Variants in ALK observed in about 807,000 individuals in gnomAD.
ALK encodes the protein ALK tyrosine kinase receptor.
ALK carries 74 observed loss-of-function variants against 163.1 expected under a neutral mutation model. That is an observed-to-expected ratio of 0.45 (90% CI 0.38 to 0.55). The LOEUF is 0.55. Ranked by LOEUF, ALK falls within the 20% of genes least tolerant of loss-of-function variation. The pLI, the probability that ALK is intolerant of heterozygous loss-of-function variation, is 0.00. For missense variants in ALK, 2,063 were observed against 2,105.3 expected, an observed-to-expected ratio of 0.98 and a Z score of 0.39; for synonymous variants, 960 against 843.2, an observed-to-expected ratio of 1.14 and a Z score of -2.40.
Position 29,695,038 on chromosome 2 carries a change from T to C in ALK, c.788-24A>G, listed in dbSNP as rs367885393. 4 of 1,613,718 alleles carry C rather than the reference T, an allele frequency of 2.5e-6. No homozygotes were observed. The African/African-American group carries it at 4.0e-5, about 16-fold the overall frequency. ...ACCTGCAATAATAGCCAAGGGTCAA[T>C]GGAAAAAACCATTTCCCAAACGTGA... On this transcript the variant is annotated intron_variant, in intron 2 of 28. Coordinates refer to ENST00000389048, the MANE Select transcript of ALK (RefSeq NM_004304.5).
At chr2:29,436,349 C>T (rs1252234612) in intron 4 of ALK, among the ~76,000 whole-genome samples, 1 of 152,156 alleles carries the variant, frequency 6.6e-6, no homozygotes, top group African/African-American at 2.4e-5. Flanking sequence ...AGGCAAGAAC[C>T]CTTGAGAGCG....
chr2:29,496,905 G>A (rs902465188), intron 4 of ALK, among the ~76,000 whole-genome samples: 1 of 152,208 alleles, frequency 6.6e-6, no homozygotes, highest in African/African-American at 2.4e-5. Context: ...TTTCAGGATA[G>A]TGAATCCACA....
intron 24 of ALK, among the ~76,000 whole-genome samples, chr2:29,210,606 G>A (rs913850559): frequency 1.3e-5 from 2 of 152,046 alleles, no homozygotes; most frequent in African/African-American, 4.8e-5. Context: ...CTAATTTTTT[G>A]TATTTTTAGT....
At chr2:29,586,904 T>C (rs2148203275) in intron 3 of ALK, among the ~76,000 whole-genome samples, 1 of 152,332 alleles carries the variant, frequency 6.6e-6, no homozygotes, top group South Asian at 2.1e-4. Context: ...GTGATTATTT[T>C]TGAAGATGTT....
At chr2:29,278,671 G>T (rs1224825351) in intron 9 of ALK, among the ~76,000 whole-genome samples, 1 of 152,218 alleles carries the variant, frequency 6.6e-6, no homozygotes, top group East Asian at 1.9e-4. Context: ...GTTAAAGCAG[G>T]TGCAACCCTT....
At chr2:29,595,319 AT>A (rs10641464) in intron 3 of ALK, among the ~76,000 whole-genome samples, 4,683 of 123,904 alleles carry the variant, frequency 0.038, 134 homozygotes, top group African/African-American at 0.12. Flanking sequence ...GTCTTACTGG[AT>A]TTTTTTTTTT....
At chr2:29,804,013 A>G (rs1416487626) in intron 1 of ALK, among the ~76,000 whole-genome samples, 1 of 152,246 alleles carries the variant, frequency 6.6e-6, no homozygotes, top group Non-Finnish European at 1.5e-5. Flanking sequence ...TAGAAGCTGA[A>G]TGAGAAAGAC....
intron 1 of ALK, among the ~76,000 whole-genome samples, chr2:29,870,730 T>C (rs931348494): frequency 5.3e-5 from 8 of 152,246 alleles, no homozygotes; most frequent in African/African-American, 1.9e-4. Flanking sequence ...TCTAAGAAGA[T>C]GTACCTTAAA....
At chr2:29,197,040 T>C (rs1486106712) in intron 27 of ALK, among the ~76,000 whole-genome samples, 180 bp from the exon 28 acceptor site, 1 of 152,150 alleles carries the variant, frequency 6.6e-6, no homozygotes, top group Non-Finnish European at 1.5e-5. Flanking sequence ...TGTAAAGGTA[T>C]CTAACACAGA....
intron 12 of ALK, among the ~76,000 whole-genome samples, chr2:29,245,915 T>C (rs143637959): frequency 0.012 from 1,811 of 152,326 alleles, 19 homozygotes; most frequent in African/African-American, 0.019. Flanking sequence ...AATGATGGCG[T>C]TGTCCGGCTG....
chr2:29,907,747 G>A (rs565639422), intron 1 of ALK, among the ~76,000 whole-genome samples: 1 of 151,678 alleles, frequency 6.6e-6, no homozygotes, highest in South Asian at 2.1e-4. Context: ...CTCCCACATC[G>A]ATATCTTCAG....
At chr2:29,753,980 C>T (rs1680444560) in intron 1 of ALK, among the ~76,000 whole-genome samples, 1 of 152,072 alleles carries the variant, frequency 6.6e-6, no homozygotes, top group South Asian at 2.1e-4. Context: ...AAAAGTAAAG[C>T]AGATTTGCTC....
chr2:29,360,003 G>C (rs1405668857), intron 5 of ALK, among the ~76,000 whole-genome samples: 1 of 152,224 alleles, frequency 6.6e-6, no homozygotes, highest in Non-Finnish European at 1.5e-5. Flanking sequence ...GGGGTACTCA[G>C]TAGAAGTGGG....
At chr2:29,875,035 A>G (rs1320467347) in intron 1 of ALK, among the ~76,000 whole-genome samples, 1 of 152,218 alleles carries the variant, frequency 6.6e-6, no homozygotes, top group Non-Finnish European at 1.5e-5. Context: ...CACTCAAAAG[A>G]ATTGAAAGCA....
intron 2 of ALK, among the ~76,000 whole-genome samples, chr2:29,704,466 A>C (rs967176514): frequency 2.0e-5 from 3 of 152,240 alleles, no homozygotes; most frequent in African/African-American, 7.2e-5. Context: ...TTCTGTTTCT[A>C]ATCCTGTGAT....
chr2:29,195,552 T>G (rs1669001111), intron 28 of ALK, among the ~76,000 whole-genome samples: 1 of 151,844 alleles, frequency 6.6e-6, no homozygotes, highest in Non-Finnish European at 1.5e-5. Flanking sequence ...GCCAAAATGG[T>G]GAAACACCAT....
chr2:29,254,133 G>C lies in ALK; in HGVS notation c.2042-2866C>G, dbSNP rs556536180. Among the ~76,000 whole-genome samples the C allele has an allele frequency of 5.3e-5, 8 of 152,304 alleles. No individual in the cohort carries two copies. The South Asian group carries it at 1.7e-3, about 32-fold the overall frequency. Reference sequence around the variant, plus strand: ...CTTCCTGCCATCATGTGAAGAACATGTTTGCTTCCCCTTCTGCCATAAGTG... The same window carrying C: ...CTTCCTGCCATCATGTGAAGAACATCTTTGCTTCCCCTTCTGCCATAAGTG... On this transcript the variant is annotated intron_variant, in intron 11 of 28. Transcript: ENST00000389048.
intron 19 of ALK, chr2:29,223,832 A>G (rs2148172032): frequency 2.1e-6 from 1 of 471,896 alleles, no homozygotes; most frequent in African/African-American, 1.9e-5. Context: ...ATTAGACCCA[A>G]TATGGTCTGC....
intron 13 of ALK, 79 bp downstream of exon 13, chr2:29,239,601 G>A (rs1241477995): frequency 1.6e-5 from 24 of 1,541,686 alleles, no homozygotes; most frequent in Non-Finnish European, 2.0e-5. Context: ...GGAGGAGGGT[G>A]TTGAGTGTTG....
Sources: allele counts gnomAD v4.1 joint callset (sites outside exome capture counted in the v4.1 genomes callset), GRCh38; gene constraint gnomAD v4.1.1; transcripts MANE v1.5; gene names NCBI Gene and HGNC (gene_info 2026-07-23, HGNC 2026-07-21).